IFNAR2: variants seen among roughly 807,000 people sequenced by gnomAD.
IFNAR2 encodes interferon alpha and beta receptor subunit 2.
Under a neutral mutation model 49.4 loss-of-function variants are expected in IFNAR2, and 30 were observed. The ratio of observed to expected loss-of-function variants is 0.61; its 90% CI spans 0.45 to 0.82. IFNAR2 has a LOEUF of 0.82. Ranked by LOEUF, IFNAR2 falls within the 40% of genes least tolerant of loss-of-function variation. The probability of loss-of-function intolerance (pLI) is 0.00; values close to 1 mark genes in which losing one functional copy is unlikely to be tolerated. For synonymous variants in IFNAR2, 224 were observed against 234.5 expected (o/e 0.96, Z 0.41); for missense variants, 600 against 622.7 (o/e 0.96, Z 0.39).
chr21:33,244,060 A>G (rs1987200706), intron 3 of IFNAR2, among the ~76,000 whole-genome samples: 1 of 152,250 alleles, frequency 6.6e-6, no homozygotes, highest in African/African-American at 2.4e-5. Flanking sequence ...TTCCACCCTG[A>G]TGATTCCAGA....
chr21:33,239,285 G>A (rs926891251), intron 1 of IFNAR2, among the ~76,000 whole-genome samples: 1 of 152,216 alleles, frequency 6.6e-6, no homozygotes, highest in African/African-American at 2.4e-5. Flanking sequence ...AGAAGGAAGG[G>A]ACACCGTGAG....
chr21:33,253,627 A>C, intron 7 of IFNAR2, among the ~76,000 whole-genome samples: 1 of 152,248 alleles, frequency 6.6e-6, no homozygotes, highest in East Asian at 1.9e-4. Context: ...TTATTAGGAA[A>C]GTAAAGGAGT....
In IFNAR2 at chr21:33,230,944, C is replaced by G. The variant is rs11088247; in HGVS notation, c.-84+728C>G. On this transcript the variant is annotated intron_variant, in intron 1 of 8. Coordinates refer to ENST00000342136, the MANE Select transcript of IFNAR2 (RefSeq NM_001289125.3). The surrounding 1 kb of genome is among the most constrained non-coding windows in gnomAD (Gnocchi z 5.5). ...CAGTAGCGAGTTGACTCCATCAGCC[C>G]GTTTATTTGGTTAGCGATGGTTATA... Among the ~76,000 whole-genome samples the G allele has an allele frequency of 0.32, 48,145 of 152,128 alleles. 8,252 individuals carry two copies. Among genetic ancestry groups the G allele is most frequent in the East Asian group, 0.58 (3,011 of 5,180 alleles).
intron 1 of IFNAR2, chr21:33,232,991 T>C: frequency 2.1e-6 from 2 of 958,306 alleles, no homozygotes; most frequent in Non-Finnish European, 2.5e-6. Flanking sequence ...AAACAAAGAA[T>C]TACACTTGGA....
intron 6 of IFNAR2, chr21:33,252,104 C>CTATCTATCTATA (rs962377742): frequency 1.1e-5 from 5 of 459,746 alleles, no homozygotes; most frequent in African/African-American, 1.0e-4. Context: ...ATCTATCTAT[C>CTATCTATCTATA]TATCTATCTA....
chr21:33,245,164 C>T, intron 4 of IFNAR2, 90 bp downstream of exon 4: 1 of 1,001,656 alleles, frequency 1.0e-6, no homozygotes, highest in Non-Finnish European at 1.5e-6. Flanking sequence ...CTGTCTCTCC[C>T]TCTCCCTTTT....
rs1988821893 is a variant in IFNAR2, at chr21:33,264,078, C to G, written c.*578C>G. 1.3e-5 allele frequency: 2 copies of G among 152,728 alleles called. No individual in the cohort carries two copies. The highest frequency in any genetic ancestry group is 4.8e-5 in the African/African-American group (2 of 41,394). 9.5% of individuals were successfully genotyped at this position (152,728 alleles called of 1,614,324 possible). On this transcript the variant is annotated 3_prime_UTR_variant, in exon 9 of 9. Transcript: ENST00000342136. ...TTTACCATGTTGGCCAGGCTGGTCT[C>G]AAACTCCTGACCTCAAGTGATCTGC...
rs1798719979 is a variant in IFNAR2 at position 33,263,030 on chromosome 21, A to G, written c.1078A>G (p.Ile360Val). ...ASATSTESQL[I>V]DPESEEEPDL... ...TGCCACCTCTACAGAATCCCAGTTG[A>G]TAGACCCGGAGTCCGAGGAGGAGCC... Residue 360 changes from isoleucine to valine, a missense_variant, in exon 9 of 9, where the codon ATA becomes GTA. Ile to Val is a conservative substitution (Grantham distance 29). Coordinates refer to ENST00000342136, the MANE Select transcript of IFNAR2 (RefSeq NM_001289125.3). 1 of 1,614,124 alleles carries G rather than the reference A, an allele frequency of 6.2e-7. No individual in the cohort carries two copies. Among genetic ancestry groups the G allele is most frequent in the Non-Finnish European group, 8.5e-7 (1 of 1,180,028 alleles).
chr21:33,256,025 A>G (rs564010402), intron 7 of IFNAR2, among the ~76,000 whole-genome samples: 12 of 152,338 alleles, frequency 7.9e-5, no homozygotes, highest in African/African-American at 2.9e-4. Context: ...CTTACATACA[A>G]ACGAAACTCT....
intron 7 of IFNAR2, among the ~76,000 whole-genome samples, chr21:33,257,338 G>C (rs749985539): frequency 6.6e-6 from 1 of 152,234 alleles, no homozygotes; most frequent in Non-Finnish European, 1.5e-5. Context: ...GACCCAAAGA[G>C]TGAGCAGTAG....
At chr21:33,237,982 A>T (rs1986605679) in intron 1 of IFNAR2, among the ~76,000 whole-genome samples, 1 of 152,158 alleles carries the variant, frequency 6.6e-6, no homozygotes, top group South Asian at 2.1e-4. Flanking sequence ...CATACAAACA[A>T]AAAGAAGAAG....
At chr21:33,241,498 C>T (rs1986920214) in intron 1 of IFNAR2, among the ~76,000 whole-genome samples, 1 of 152,128 alleles carries the variant, frequency 6.6e-6, no homozygotes, top group South Asian at 2.1e-4. Flanking sequence ...GGAACAGGGA[C>T]TATACATGCT....
intron 8 of IFNAR2, among the ~76,000 whole-genome samples, chr21:33,262,151 G>C (rs975754592): frequency 3.3e-5 from 5 of 152,134 alleles, no homozygotes; most frequent in Non-Finnish European, 7.4e-5. Context: ...TAGATCACGA[G>C]GTCGGGAGTT....
chr21:33,230,679 A>C lies in IFNAR2; in HGVS notation c.-84+463A>C, dbSNP rs1036376476. On this transcript the variant is annotated intron_variant, in intron 1 of 8. Coordinates refer to ENST00000342136, the MANE Select transcript of IFNAR2 (RefSeq NM_001289125.3). This position sits in a 1 kb window ranked among gnomAD's most constrained non-coding sequence, Gnocchi z 5.5. ...GCCCGCCCCCTTGAGGTCCCCTGGG[A>C]TTAGCCCCCCTCGACCTGCGTCAGG... The C allele has an allele frequency of 1.8e-5, 8 of 447,824 alleles. No individual in the cohort carries two copies. Among genetic ancestry groups the C allele is most frequent in the South Asian group, 8.1e-5 (5 of 61,830 alleles). The allele number at this position is 447,824 out of a possible 1,614,324, so 27.7% of individuals were successfully genotyped here.
chr21:33,246,908 T>TTCTCCACTTCGTCCCCATCATCAAGA lies in IFNAR2; in HGVS notation c.394+22_394+47dup, dbSNP rs1287502994. ...CATAGACAGTGAGTTTTATCTCTGTTTCTCCACTTCGTCCCCATCATCAAG... is the reference window on the plus strand; with the variant it reads ...CATAGACAGTGAGTTTTATCTCTGTTTCTCCACTTCGTCCCCATCATCAAGATCTCCACTTCGTCCCCATCATCAAG... On this transcript the variant is annotated intron_variant, in intron 5 of 8. Transcript: ENST00000342136. 1 of 1,590,956 alleles carries TTCTCCACTTCGTCCCCATCATCAAGA rather than the reference T, an allele frequency of 6.3e-7. No homozygotes were observed. The highest frequency in any genetic ancestry group is 1.3e-5 in the African/African-American group (1 of 74,438).
rs750264158 is a variant in IFNAR2, at chr21:33,241,949, C to G, written c.27C>G (p.Ile9Met). MLLSQNAF[I>M]FRSLNLVLMV... ...TGCTTTTGAGCCAGAATGCCTTCAT[C>G]TTCAGATCACTTAATTTGGTTCTCA... is the stretch of plus-strand genomic sequence containing the variant. The change falls in exon 2 of 9, where the codon ATC (isoleucine) becomes ATG (methionine). Residue 9 changes from isoleucine (I) to methionine (M), a missense_variant. Physicochemically the swap from Ile to Met is conservative, Grantham distance 10. Transcript: ENST00000342136. The G allele has an allele frequency of 2.6e-5, 42 of 1,612,798 alleles. No homozygotes were observed. The highest frequency in any genetic ancestry group is 2.3e-4 in the Admixed American group (14 of 59,904).
intron 1 of IFNAR2, among the ~76,000 whole-genome samples, chr21:33,235,207 TA>T (rs1986357122): frequency 6.6e-6 from 1 of 152,230 alleles, no homozygotes; most frequent in Non-Finnish European, 1.5e-5. Flanking sequence ...CGTCCTGTCT[TA>T]TCAGCAGGGT....
chr21:33,254,952 T>C (rs865865903), intron 7 of IFNAR2, among the ~76,000 whole-genome samples: 1 of 152,160 alleles, frequency 6.6e-6, no homozygotes, highest in Non-Finnish European at 1.5e-5. Context: ...AGTGATATGG[T>C]CACTTGTGAA....
chr21:33,249,309 G>C (rs1987672880), intron 6 of IFNAR2, among the ~76,000 whole-genome samples: 1 of 142,140 alleles, frequency 7.0e-6, no homozygotes, highest in Non-Finnish European at 1.5e-5. Flanking sequence ...GCACCATTGT[G>C]TTCCAGCCTG....
Sources: allele counts gnomAD v4.1 joint callset (sites outside exome capture counted in the v4.1 genomes callset), GRCh38; gene constraint gnomAD v4.1.1; non-coding constraint Gnocchi (gnomAD v3.1); transcripts MANE v1.5; gene names NCBI Gene and HGNC (gene_info 2026-07-23, HGNC 2026-07-21).